Variants in PRKCH observed in about 807,000 individuals in gnomAD.
The protein encoded by PRKCH is protein kinase C eta.
Under a neutral mutation model 82.5 loss-of-function variants are expected in PRKCH, and 28 were observed. That is an observed-to-expected ratio of 0.34 (90% CI 0.25 to 0.47). The LOEUF (loss-of-function observed/expected upper bound fraction) is 0.47, where lower values mean the gene tolerates loss of function less well. PRKCH is among the 20% of genes least tolerant of loss of function. The pLI is 1.00. For synonymous variants in PRKCH, 322 were observed against 327.4 expected (o/e 0.98, Z 0.18); for missense variants, 705 against 881.8 (o/e 0.80, Z 2.54).
At chr14:61,289,046 C>T (rs2140097614) in intron 1 of PRKCH, among the ~76,000 whole-genome samples, 1 of 152,266 alleles carries the variant, frequency 6.6e-6, no homozygotes. Context: ...GTTTTTGCAC[C>T]TCCATATCTT....
At chr14:61,485,281 T>C (rs769238450) in intron 9 of PRKCH, among the ~76,000 whole-genome samples, 1 of 152,174 alleles carries the variant, frequency 6.6e-6, no homozygotes, top group Non-Finnish European at 1.5e-5. Context: ...AATTCAAGGC[T>C]GTGTGAAATG....
At chr14:61,514,447 G>T (rs1243013192) in intron 10 of PRKCH, among the ~76,000 whole-genome samples, 3 of 151,962 alleles carry the variant, frequency 2.0e-5, no homozygotes, top group Non-Finnish European at 4.4e-5. Flanking sequence ...AAGGATTGAC[G>T]CCTGGTCTGG....
chr14:61,383,517 G>T (rs1297607858), intron 1 of PRKCH, among the ~76,000 whole-genome samples: 2 of 152,020 alleles, frequency 1.3e-5, no homozygotes, highest in African/African-American at 4.8e-5. Flanking sequence ...AGACCGGAGG[G>T]ATCAATGTGA....
chr14:61,439,189 T>A (rs1883825840), intron 2 of PRKCH, among the ~76,000 whole-genome samples: 1 of 152,232 alleles, frequency 6.6e-6, no homozygotes, highest in Non-Finnish European at 1.5e-5. Context: ...GGTTTTTTTT[T>A]AGTCCTTTTA....
intron 1 of PRKCH, among the ~76,000 whole-genome samples, chr14:61,222,986 T>TGA (rs1470880641): frequency 6.6e-6 from 1 of 152,144 alleles, no homozygotes; most frequent in African/African-American, 2.4e-5. Context: ...TTTTTTCCCC[T>TGA]CTTCCTTTGA....
chr14:61,266,667 G>C (rs1447597427), intron 1 of PRKCH, among the ~76,000 whole-genome samples: 1 of 152,120 alleles, frequency 6.6e-6, no homozygotes, highest in Non-Finnish European at 1.5e-5. Context: ...TTTTACGAAG[G>C]ACCAGGAGAG....
chr14:61,329,969 T>A (rs2045760649), intron 1 of PRKCH, among the ~76,000 whole-genome samples: 1 of 152,178 alleles, frequency 6.6e-6, no homozygotes. Flanking sequence ...ATGTTTCTAT[T>A]TGAAATGCCA....
intron 10 of PRKCH, among the ~76,000 whole-genome samples, chr14:61,523,544 G>C (rs1009830648): frequency 2.0e-5 from 3 of 152,204 alleles, no homozygotes; most frequent in African/African-American, 7.2e-5. Context: ...TCTTGGGGTA[G>C]AGCCTACTTC....
intron 1 of PRKCH, among the ~76,000 whole-genome samples, chr14:61,288,442 G>A (rs899485186): frequency 6.6e-6 from 1 of 152,026 alleles, no homozygotes; most frequent in African/African-American, 2.4e-5. Flanking sequence ...TGATTCAAAT[G>A]CAAAAATACC....
upstream of PRKCH, among the ~76,000 whole-genome samples, chr14:61,317,672 T>C (rs2045574603): frequency 1.3e-5 from 2 of 152,164 alleles, no homozygotes; most frequent in Admixed American, 1.3e-4. Context: ...TTGGTTTCCA[T>C]AATACCTGGA....
chr14:61,282,929 A>G (rs77137807), intron 1 of PRKCH, among the ~76,000 whole-genome samples: 7,564 of 152,152 alleles, frequency 0.05, 310 homozygotes, highest in African/African-American at 0.11. Flanking sequence ...TAAAAGAATA[A>G]ATAGTTCTTT....
At chr14:61,215,107 T>C (rs1031231209) in intron 1 of PRKCH, among the ~76,000 whole-genome samples, 1 of 152,230 alleles carries the variant, frequency 6.6e-6, no homozygotes, top group Non-Finnish European at 1.5e-5. Flanking sequence ...AACAGTTAGA[T>C]GCCGTGATGG....
rs2044384045 is a variant in PRKCH at position 61,188,597 on chromosome 14, T to TGTGTC, written c.-19+930_-19+931insTGTCG. 5.0e-5 allele frequency among the ~76,000 whole-genome samples: 2 copies of TGTGTC among 39,646 alleles called. 1 individual carries two copies. Among genetic ancestry groups the TGTGTC allele is most frequent in the Admixed American group, 5.7e-4 (2 of 3,488 alleles). The allele number at this position is 39,646 out of a possible 152,430, so 26.0% of individuals were successfully genotyped here. ...GTAGTGTGTGTGTGTGTCGGGGGGG[T>TGTGTC]GGGGGGGTGGTGTGGTGTGTGTGTG... On this transcript the variant is annotated intron_variant, in intron 1 of 3. Transcript: ENST00000555185.
At chr14:61,410,358 G>A (rs1408879836) in intron 2 of PRKCH, among the ~76,000 whole-genome samples, 2 of 152,132 alleles carry the variant, frequency 1.3e-5, no homozygotes, top group Non-Finnish European at 2.9e-5. Context: ...TTGACAAACC[G>A]TTGATTAACT....
At chr14:61,198,544 T>G (rs754962548) in intron 1 of PRKCH, among the ~76,000 whole-genome samples, 30 of 152,340 alleles carry the variant, frequency 2.0e-4, no homozygotes, top group South Asian at 1.2e-3. Context: ...TATATTATAT[T>G]GCATTGTAAT....
chr14:61,329,483 G>A (rs1467553703), intron 1 of PRKCH, among the ~76,000 whole-genome samples: 2 of 152,008 alleles, frequency 1.3e-5, no homozygotes, highest in South Asian at 2.1e-4. Context: ...TGATCCGCCC[G>A]CCTTAGCCTC....
chr14:61,200,975 T>C (rs1301101002), intron 1 of PRKCH, among the ~76,000 whole-genome samples: 1 of 151,942 alleles, frequency 6.6e-6, no homozygotes, highest in Non-Finnish European at 1.5e-5. Flanking sequence ...AACAAGAAAA[T>C]AGGCAATTAG....
Position 61,453,283 on chromosome 14 carries a change from T to G in PRKCH, c.890T>G (p.Val297Gly), listed in dbSNP as rs1011094446. ...GCGAACGTGGCCCCTAACTGTGGGG[T>G]AAATGCGGTGGAACTTGCCAAGACC... ...CQANVAPNCGVNAVELAKTLA... is the reference protein window; with the variant it reads ...CQANVAPNCGGNAVELAKTLA... The change falls in exon 7 of 14, where the codon GTA (valine) becomes GGA (glycine). Residue 297 changes from valine (V) to glycine (G), a missense_variant. Coordinates refer to ENST00000332981, the MANE Select transcript of PRKCH (RefSeq NM_006255.5). 7.4e-6 allele frequency: 12 copies of G among 1,614,014 alleles called. No homozygotes were observed.
chr14:61,428,876 G>T (rs533960119), intron 2 of PRKCH, among the ~76,000 whole-genome samples: 1 of 152,006 alleles, frequency 6.6e-6, no homozygotes, highest in Admixed American at 6.6e-5. Context: ...CTTTTACTCT[G>T]TCTCTTTAAA....
Sources: allele counts gnomAD v4.1 joint callset (sites outside exome capture counted in the v4.1 genomes callset), GRCh38; gene constraint gnomAD v4.1.1; transcripts MANE v1.5; gene names NCBI Gene and HGNC (gene_info 2026-07-23, HGNC 2026-07-21).